Variants in MYL1 observed in about 807,000 individuals in gnomAD.
MYL1 encodes myosin light chain 1/3, skeletal muscle isoform.
MYL1 carries 16 observed loss-of-function variants against 21.8 expected under a neutral mutation model. The observed-to-expected ratio is 0.74, with a 90% CI of 0.50 to 1.12. The LOEUF (loss-of-function observed/expected upper bound fraction) is 1.12. Ranked by LOEUF, MYL1 falls within the 50% of genes most tolerant of loss-of-function variation. The pLI, the probability that MYL1 is intolerant of heterozygous loss-of-function variation, is 0.00. For missense variants in MYL1, 246 were observed against 241.0 expected, an observed-to-expected ratio of 1.02 and a Z score of -0.14; for synonymous variants, 99 against 85.2, an observed-to-expected ratio of 1.16 and a Z score of -0.89.
chr2:210,313,600 T>C (rs2125745553), intron 1 of MYL1, among the ~76,000 whole-genome samples: 1 of 152,046 alleles, frequency 6.6e-6, no homozygotes, highest in East Asian at 1.9e-4. Flanking sequence ...CTTAATATTA[T>C]ATTCCATGAC....
In MYL1 at chr2:210,294,236, T is replaced by A. The variant is rs1256909032; in HGVS notation, c.478+9A>T. The stretch of plus-strand genomic sequence containing the variant: ...GTCTCACTAAGTCCACTGAAATAAA[T>A]TCCCTTACCCAGGGTGGCTAGAACA... On this transcript the variant is annotated intron_variant, in intron 4 of 6. Coordinates refer to ENST00000352451, the MANE Select transcript of MYL1 (RefSeq NM_079420.3). 6.2e-7 allele frequency: 1 copy of A among 1,600,682 alleles called. No individual in the cohort carries two copies. The highest frequency in any genetic ancestry group is 8.5e-7 in the Non-Finnish European group (1 of 1,174,386).
intron 3 of MYL1, 96 bp downstream of exon 3, chr2:210,298,322 TAC>T (rs940172783): frequency 2.7e-3 from 3,370 of 1,234,572 alleles, no homozygotes; most frequent in Non-Finnish European, 3.0e-3. Flanking sequence ...ACACACATAC[TAC>T]ACACACACAC....
intron 2 of MYL1, 40 bp from the exon 3 acceptor site, chr2:210,298,603 T>C (rs749611610): frequency 6.2e-7 from 1 of 1,610,428 alleles, no homozygotes; most frequent in Non-Finnish European, 8.5e-7. Context: ...CTTTTCTTCC[T>C]CTAACCTATT....
intron 3 of MYL1, 52 bp downstream of exon 3, chr2:210,298,356 ACACACACACACT>A: frequency 6.4e-7 from 1 of 1,570,026 alleles, no homozygotes; most frequent in East Asian, 2.3e-5. Flanking sequence ...ACACACACAC[ACACACACACACT>A]GCTACACACT....
Position 210,315,141 on chromosome 2 carries a change from C to T in MYL1, c.-99G>A, listed in dbSNP as rs1364968040. 1.4e-6 allele frequency: 2 copies of T among 1,436,260 alleles called. No individual in the cohort carries two copies. The highest frequency in any genetic ancestry group is 1.9e-6 in the Non-Finnish European group (2 of 1,052,998). The allele number at this position is 1,436,260 out of a possible 1,614,324, so 89.0% of individuals were successfully genotyped here. A position where few individuals can be genotyped will look rare whatever the true frequency, so the allele number is the denominator to read the frequency against. ...GAGGAGTGGTGGTTGGGTTGATCCACAGCCCAGTGTCTTGAAGATGGACCC... is the reference window on the plus strand; with the variant it reads ...GAGGAGTGGTGGTTGGGTTGATCCATAGCCCAGTGTCTTGAAGATGGACCC... On this transcript the variant is annotated 5_prime_UTR_variant, in exon 1 of 7. In the 5' UTR this introduces an upstream ATG that the reference lacks. Transcript: ENST00000352451.
Position 210,290,419 on chromosome 2 carries a change from G to A in MYL1, c.*63C>T, listed in dbSNP as rs1690057457. On this transcript the variant is annotated 3_prime_UTR_variant, in exon 7 of 7. Coordinates refer to ENST00000352451, the MANE Select transcript of MYL1 (RefSeq NM_079420.3). ...AAACAGATCTGGAGAGTTTGTCATG[G>A]GTGTGATTAAAATAAGTTTCCAGCC... 1 of 152,122 alleles carries A rather than the reference G, an allele frequency of 6.6e-6. No homozygotes were observed. The highest frequency in any genetic ancestry group is 2.4e-5 in the African/African-American group (1 of 41,404). 9.4% of individuals were successfully genotyped at this position (152,122 alleles called of 1,614,324 possible). A position where few individuals can be genotyped will look rare whatever the true frequency, so the allele number is the denominator to read the frequency against.
At position 210,298,542 on chromosome 2, in the gene MYL1, A is replaced by C. The variant is rs766723318; in HGVS notation, c.182T>G (p.Leu61Arg). The change falls in exon 3 of 7, where the codon CTG becomes CGG. Residue 61 changes from leucine (L) to arginine (R), a missense_variant. By Grantham distance (102) the Leu-to-Arg change is moderately radical (BLOSUM62 -2). Transcript: ENST00000352451. ...QQDEFKEAFL[L>R]FDRTGDSKIT... ...CTTGGAATCACCTGTTCTGTCAAACAGGAGAAATGCCTCCTTGAATTCTGC... is the reference window on the plus strand; with the variant it reads ...CTTGGAATCACCTGTTCTGTCAAACCGGAGAAATGCCTCCTTGAATTCTGC... 6.2e-7 allele frequency: 1 copy of C among 1,614,090 alleles called. No individual in the cohort carries two copies. Among genetic ancestry groups the C allele is most frequent in the Non-Finnish European group, 8.5e-7 (1 of 1,180,000 alleles).
At chr2:210,293,620 T>C (rs982213688) in intron 5 of MYL1, 103 bp downstream of exon 5, 10 of 845,638 alleles carry the variant, frequency 1.2e-5, no homozygotes, top group Middle Eastern at 2.3e-4. Context: ...GATTGTCATA[T>C]GTATGTCAAT....
intron 6 of MYL1, 69 bp downstream of exon 6, chr2:210,290,963 A>C (rs1433422662): frequency 1.0e-6 from 1 of 986,902 alleles, no homozygotes; most frequent in Non-Finnish European, 1.5e-6. Context: ...ATATAAACTG[A>C]AGCTGTCAAG....
chr2:210,291,019 A>C lies in MYL1; in HGVS notation c.*14+13T>G. The C allele has an allele frequency of 6.4e-7, 1 of 1,562,908 alleles. No homozygotes were observed. Among genetic ancestry groups the C allele is most frequent in the Admixed American group, 1.8e-5 (1 of 55,320 alleles). ...AGAAATCCTTAAATATTAAAGAGGG[A>C]ACTGGTATATACCTTGAGAGCTCCA... is the stretch of plus-strand genomic sequence containing the variant. On this transcript the variant is annotated intron_variant, in intron 6 of 6. Coordinates refer to ENST00000352451, the MANE Select transcript of MYL1 (RefSeq NM_079420.3).
Position 210,315,052 on chromosome 2 carries a change from TA to T in MYL1, c.-11del, listed in dbSNP as rs750554844. On this transcript the variant is annotated 5_prime_UTR_variant, in exon 1 of 7. Coordinates refer to ENST00000352451, the MANE Select transcript of MYL1 (RefSeq NM_079420.3). ...CTTTCTTTGGTGCCATTTTTTTTTT[TA>T]AAAGGGTGGGTTAAAAAGAGAAGGA... The T allele has an allele frequency of 3.1e-6, 5 of 1,589,270 alleles. No homozygotes were observed. The highest frequency in any genetic ancestry group is 1.9e-5 in the Admixed American group (1 of 52,604).
intron 4 of MYL1, 54 bp downstream of exon 4, chr2:210,294,191 T>C (rs1473447984): frequency 6.8e-7 from 1 of 1,480,782 alleles, no homozygotes; most frequent in Non-Finnish European, 9.0e-7. Flanking sequence ...TCTCCTGTCA[T>C]GTTCTTTTCT....
intron 1 of MYL1, among the ~76,000 whole-genome samples, chr2:210,314,316 A>G (rs768235251): frequency 7.2e-5 from 11 of 152,214 alleles, no homozygotes; most frequent in Non-Finnish European, 1.6e-4. Context: ...AGTTACAGTC[A>G]CTGAAACACT....
At chr2:210,299,438 G>A (rs941148429) in intron 2 of MYL1, among the ~76,000 whole-genome samples, 2 of 152,092 alleles carry the variant, frequency 1.3e-5, no homozygotes, top group Non-Finnish European at 2.9e-5. Flanking sequence ...CACATTGGTA[G>A]ACGCCATCAA....
chr2:210,315,111 T>G lies in MYL1; in HGVS notation c.-69A>C. Reference sequence around the variant, plus strand: ...CAAAAGAACCTGTCAAAATGATTCTTGGAAGAGGAGTGGTGGTTGGGTTGA... The same window carrying G: ...CAAAAGAACCTGTCAAAATGATTCTGGGAAGAGGAGTGGTGGTTGGGTTGA... On this transcript the variant is annotated 5_prime_UTR_variant, in exon 1 of 7. Coordinates refer to ENST00000352451, the MANE Select transcript of MYL1 (RefSeq NM_079420.3). The G allele has an allele frequency of 6.4e-7, 1 of 1,568,880 alleles. No individual in the cohort carries two copies. The highest frequency in any genetic ancestry group is 8.6e-7 in the Non-Finnish European group (1 of 1,165,434).
At chr2:210,293,597 G>A in intron 5 of MYL1, 126 bp downstream of exon 5, 1 of 725,152 alleles carries the variant, frequency 1.4e-6, no homozygotes, top group Non-Finnish European at 2.4e-6. Flanking sequence ...TATCTTTTTA[G>A]AGTTATGCAA....
intron 2 of MYL1, among the ~76,000 whole-genome samples, chr2:210,300,505 T>C (rs1400588373): frequency 6.6e-6 from 1 of 152,092 alleles, no homozygotes; most frequent in Non-Finnish European, 1.5e-5. Flanking sequence ...GAGTCTATAC[T>C]GGCAGCAAAG....
At chr2:210,302,375 G>T (rs1690276974) in intron 2 of MYL1, 113 bp downstream of exon 2, 3 of 906,748 alleles carry the variant, frequency 3.3e-6, no homozygotes, top group Non-Finnish European at 4.8e-6. Flanking sequence ...ATTCAGAATG[G>T]CAACACCAGT....
chr2:210,302,871 T>C, intron 1 of MYL1: 2 of 1,486,942 alleles, frequency 1.3e-6, no homozygotes, highest in Non-Finnish European at 1.8e-6. Flanking sequence ...GAGTGCTGGT[T>C]GCTCTGAGAT....
Sources: gnomAD v4.1 joint callset for allele counts (sites outside exome capture counted in the v4.1 genomes callset) on GRCh38, gnomAD v4.1.1 for gene constraint, MANE v1.5 for transcripts, NCBI Gene and HGNC (gene_info 2026-07-23, HGNC 2026-07-21) for gene names.